IQSEC1: variants seen among roughly 807,000 people sequenced by gnomAD.
IQSEC1 encodes IQ motif and Sec7 domain ArfGEF 1.
IQSEC1 carries 31 observed loss-of-function variants against 91.0 expected under a neutral mutation model. That is an observed-to-expected ratio of 0.34 (90% confidence interval 0.26 to 0.46). The LOEUF (loss-of-function observed/expected upper bound fraction) is 0.46, where lower values mean the gene tolerates loss of function less well. IQSEC1 is among the 20% of genes least tolerant of loss of function. The pLI is 1.00. For synonymous variants in IQSEC1, 699 were observed against 662.6 expected (o/e 1.05, Z -0.84); for missense variants, 1,388 against 1,575.6 (o/e 0.88, Z 2.02).
chr3:13,242,024 C>T (rs1194999679), intron 1 of IQSEC1, among the ~76,000 whole-genome samples: 2 of 152,180 alleles, frequency 1.3e-5, no homozygotes, highest in African/African-American at 4.8e-5. Context: ...TATACATACA[C>T]ACATGTGTGT....
intron 1 of IQSEC1, among the ~76,000 whole-genome samples, chr3:13,003,276 C>CAAAA (rs56239928): frequency 0.036 from 1,998 of 56,092 alleles, 33 homozygotes; most frequent in East Asian, 0.14. Context: ...CTGTCTCTAC[C>CAAAA]AAAAAAAAAA....
At position 13,143,929 on chromosome 3, in the gene IQSEC1, T is replaced by C. The variant is rs535595003; in HGVS notation, c.302+20175A>G. On this transcript the variant is annotated intron_variant, in intron 2 of 15. Transcript: ENST00000648114. ...TTCGGTTGTCTGCACCACTTTGAATTGGGTTTTCTGTCCCCGGTAGAGGGT... is the reference window on the plus strand; with the variant it reads ...TTCGGTTGTCTGCACCACTTTGAATCGGGTTTTCTGTCCCCGGTAGAGGGT... Among the ~76,000 whole-genome samples, 10 of 152,300 alleles carry C rather than the reference T, an allele frequency of 6.6e-5. No individual in the cohort carries two copies. The South Asian group carries it at 2.1e-3, about 32-fold the overall frequency.
At chr3:12,938,671 A>G (rs906726854) in intron 2 of IQSEC1, among the ~76,000 whole-genome samples, 1 of 152,048 alleles carries the variant, frequency 6.6e-6, no homozygotes, top group Admixed American at 6.5e-5. Context: ...GGGATCTAGG[A>G]AGCCTTTCTT....
chr3:12,951,535 G>C (rs1699545467), intron 1 of IQSEC1, among the ~76,000 whole-genome samples: 1 of 152,218 alleles, frequency 6.6e-6, no homozygotes, highest in Non-Finnish European at 1.5e-5. Flanking sequence ...AGGGGAGGCT[G>C]TTCTAGTGCC....
At chr3:13,124,564 C>T (rs114258839) in intron 2 of IQSEC1, among the ~76,000 whole-genome samples, 2,093 of 152,264 alleles carry the variant, frequency 0.014, 44 homozygotes, top group African/African-American at 0.048. Flanking sequence ...ATGTTAATGG[C>T]ACTGCCCCCT....
At chr3:13,243,396 C>T (rs73136121) in intron 1 of IQSEC1, among the ~76,000 whole-genome samples, 44 of 152,278 alleles carry the variant, frequency 2.9e-4, no homozygotes, top group African/African-American at 1.1e-3. Flanking sequence ...CCTGCGGAGG[C>T]CCCAGGGCCA....
chr3:13,112,447 C>T (rs2124868081), intron 2 of IQSEC1, among the ~76,000 whole-genome samples: 1 of 152,356 alleles, frequency 6.6e-6, no homozygotes, highest in African/African-American at 2.4e-5. Flanking sequence ...GGAGGTGGCG[C>T]TCACTCTCAG....
chr3:12,997,529 T>C (rs1002299769), intron 1 of IQSEC1, among the ~76,000 whole-genome samples: 1 of 152,216 alleles, frequency 6.6e-6, no homozygotes, highest in African/African-American at 2.4e-5. Context: ...TTCTGAGAAA[T>C]GTGTCCTTAG....
upstream of IQSEC1, among the ~76,000 whole-genome samples, chr3:13,074,574 T>A (rs1262692383): frequency 5.3e-5 from 8 of 152,278 alleles, no homozygotes; most frequent in African/African-American, 1.4e-4. Context: ...AATACTATCA[T>A]CCTACTTCAC....
chr3:13,003,276 CAAAAAAAAAAAA>C (rs56239928), intron 1 of IQSEC1, among the ~76,000 whole-genome samples: 1 of 57,106 alleles, frequency 1.8e-5, no homozygotes, highest in Admixed American at 2.5e-4. Flanking sequence ...CTGTCTCTAC[CAAAAAAAAAAAA>C]AAAAAAAAAA....
intron 1 of IQSEC1, among the ~76,000 whole-genome samples, chr3:13,057,545 G>A (rs1386500366): frequency 6.6e-6 from 1 of 152,248 alleles, no homozygotes; most frequent in Non-Finnish European, 1.5e-5. Flanking sequence ...ATGCACACGG[G>A]CTCTTCCAGT....
intron 1 of IQSEC1, among the ~76,000 whole-genome samples, chr3:13,232,394 C>G (rs968081872): frequency 3.3e-5 from 5 of 152,240 alleles, no homozygotes; most frequent in African/African-American, 1.2e-4. Context: ...CTGTCCACCT[C>G]CCTGATGACC....
intron 1 of IQSEC1, among the ~76,000 whole-genome samples, chr3:13,227,415 C>CGAAAAAA (rs1470652228): frequency 6.9e-5 from 9 of 129,940 alleles, no homozygotes; most frequent in East Asian, 2.2e-4. Context: ...GAAAAGAAAA[C>CGAAAAAA]GAAAAAAGAA....
At position 13,242,426 on chromosome 3, in the gene IQSEC1, G is replaced by C. The variant is rs1695035645; in HGVS notation, c.272+40285C>G. ...CCCCCAAGAGCAAGGTGGGCATACG[G>C]GGAATACCCCCAGGTTCAGATAGCT... On this transcript the variant is annotated intron_variant, in intron 1 of 15. Coordinates refer to the IQSEC1 transcript ENST00000648114. Among the ~76,000 whole-genome samples, 3 of 152,188 alleles carry C rather than the reference G, an allele frequency of 2.0e-5. No individual in the cohort carries two copies. The South Asian group carries it at 6.2e-4, about 32-fold the overall frequency.
intron 1 of IQSEC1, among the ~76,000 whole-genome samples, chr3:13,063,234 G>A (rs1242955114): frequency 6.6e-6 from 1 of 152,240 alleles, no homozygotes; most frequent in African/African-American, 2.4e-5. Flanking sequence ...CCATGTCCCA[G>A]CTTTCCTTCA....
In IQSEC1 at chr3:12,909,500, T is replaced by C; in HGVS notation, c.2417-66A>G. The C allele has an allele frequency of 1.3e-6, 2 of 1,490,582 alleles. No individual in the cohort carries two copies. The highest frequency in any genetic ancestry group is 2.4e-5 in the South Asian group (2 of 82,306). The allele number at this position is 1,490,582 out of a possible 1,614,324, so 92.3% of individuals were successfully genotyped here. A position where few individuals can be genotyped will look rare whatever the true frequency, so the allele number is the denominator to read the frequency against. On this transcript the variant is annotated intron_variant, in intron 10 of 13. Transcript: ENST00000613206. The surrounding 1 kb of genome is among the most constrained non-coding windows in gnomAD (Gnocchi z 4.9). ...AGTGTGTTCTCTGCAATCTCCTCTC[T>C]GGTCAGGAAACAATGGTAGGGCTGA...
intron 2 of IQSEC1, among the ~76,000 whole-genome samples, chr3:13,133,855 C>T (rs1315727345): frequency 6.6e-6 from 1 of 152,166 alleles, no homozygotes; most frequent in Admixed American, 6.5e-5. Context: ...AGCTCCGAGA[C>T]CTCCATAGGA....
At chr3:13,231,129 C>T (rs1694832350) in intron 1 of IQSEC1, among the ~76,000 whole-genome samples, 3 of 152,168 alleles carry the variant, frequency 2.0e-5, no homozygotes, top group Admixed American at 6.5e-5. Flanking sequence ...ATGTCTTATT[C>T]TTCTTAGGAC....
intron 1 of IQSEC1, among the ~76,000 whole-genome samples, chr3:13,190,255 C>T (rs1693998885): frequency 6.6e-6 from 1 of 152,194 alleles, no homozygotes; most frequent in African/African-American, 2.4e-5. Context: ...TGGTCCAGAC[C>T]CTCTTAGGCG....
Sources: allele counts gnomAD v4.1 joint callset (sites outside exome capture counted in the v4.1 genomes callset), GRCh38; gene constraint gnomAD v4.1.1; non-coding constraint Gnocchi (gnomAD v3.1); transcripts MANE v1.5; gene names NCBI Gene and HGNC (gene_info 2026-07-23, HGNC 2026-07-21).